AK8: variants seen among roughly 807,000 people sequenced by gnomAD.
The protein encoded by AK8 is ATP-AMP transphosphorylase 8.
In AK8, 44 loss-of-function variants were observed where a neutral mutation model predicts 54.6. That is an observed-to-expected ratio of 0.81 (90% CI 0.63 to 1.04). The LOEUF (loss-of-function observed/expected upper bound fraction) is 1.04, where lower values mean the gene tolerates loss of function less well. AK8 is among the 50% of genes least tolerant of loss of function. AK8 has a pLI of 0.00. For synonymous variants in AK8, 239 were observed against 245.6 expected (o/e 0.97, Z 0.25); for missense variants, 555 against 613.6 (o/e 0.90, Z 1.01).
At chr9:132,780,648 T>C (rs1039543886) in intron 11 of AK8, among the ~76,000 whole-genome samples, 2 of 152,184 alleles carry the variant, frequency 1.3e-5, no homozygotes, top group Non-Finnish European at 2.9e-5. Flanking sequence ...CAAAGGAACC[T>C]ATATAGCAGT....
At chr9:132,747,618 AG>A (rs993870161) in intron 11 of AK8, among the ~76,000 whole-genome samples, 1 of 148,118 alleles carries the variant, frequency 6.8e-6, no homozygotes, top group Admixed American at 6.7e-5. Context: ...TTTTGTAGAG[AG>A]GGGGTTTCAT....
chr9:132,806,451 G>A (rs559270348), intron 10 of AK8, among the ~76,000 whole-genome samples: 2 of 152,108 alleles, frequency 1.3e-5, no homozygotes, highest in African/African-American at 2.4e-5. Flanking sequence ...TGTCTTCAGC[G>A]AGTACAAACA....
chr9:132,809,546 G>A (rs1003668010), intron 10 of AK8, among the ~76,000 whole-genome samples: 8 of 152,152 alleles, frequency 5.3e-5, no homozygotes, highest in Non-Finnish European at 1.0e-4. Context: ...TGGGGCAAGC[G>A]TGGGGGCCCA....
At chr9:132,836,400 T>C (rs1156640816) in intron 5 of AK8, among the ~76,000 whole-genome samples, 1 of 152,234 alleles carries the variant, frequency 6.6e-6, no homozygotes, top group Non-Finnish European at 1.5e-5. Context: ...TCTTTTTCTC[T>C]ACCTACTTCC....
intron 5 of AK8, among the ~76,000 whole-genome samples, chr9:132,831,396 T>C (rs1842094993): frequency 6.6e-6 from 1 of 152,216 alleles, no homozygotes; most frequent in Non-Finnish European, 1.5e-5. Context: ...ATGTTCACAA[T>C]AAACAATTTC....
Position 132,834,743 on chromosome 9 carries a change from C to T in AK8, c.403-6017G>A, listed in dbSNP as rs958439982. Among the ~76,000 whole-genome samples the T allele has an allele frequency of 2.6e-5, 4 of 152,202 alleles. No homozygotes were observed. In the East Asian group the frequency reaches 7.7e-4, roughly 29 times the overall value. ...CACCCTTGATAATCAATGATACATG[C>T]GTGGTATTTTTATACAAACGTGCAG... On this transcript the variant is annotated intron_variant, in intron 5 of 12. Transcript: ENST00000298545.
At chr9:132,760,690 T>A (rs1383629325) in intron 11 of AK8, among the ~76,000 whole-genome samples, 1 of 152,178 alleles carries the variant, frequency 6.6e-6, no homozygotes, top group Admixed American at 6.5e-5. Flanking sequence ...ATTTCACCAC[T>A]AAGACCTATG....
chr9:132,744,992 G>A (rs1037080090), intron 11 of AK8, among the ~76,000 whole-genome samples: 6 of 152,132 alleles, frequency 3.9e-5, no homozygotes, highest in Non-Finnish European at 8.8e-5. Flanking sequence ...GGGTGGAGAC[G>A]GGTCCGGGCT....
intron 11 of AK8, among the ~76,000 whole-genome samples, chr9:132,792,351 C>T (rs151155726): frequency 1.1e-3 from 167 of 152,302 alleles, no homozygotes; most frequent in Non-Finnish European, 1.9e-3. Flanking sequence ...TAGAAGAAAA[C>T]ATCCATTGAT....
chr9:132,761,128 G>A (rs968920173), intron 11 of AK8, among the ~76,000 whole-genome samples: 2 of 152,026 alleles, frequency 1.3e-5, no homozygotes, highest in East Asian at 3.8e-4. Flanking sequence ...TCAATTCCTT[G>A]AATACTGTGG....
intron 5 of AK8, among the ~76,000 whole-genome samples, chr9:132,847,967 A>G (rs1207254895): frequency 1.3e-5 from 2 of 151,810 alleles, no homozygotes; most frequent in Non-Finnish European, 2.9e-5. Flanking sequence ...AAAATGAAAA[A>G]CAGATGGGCA....
intron 11 of AK8, among the ~76,000 whole-genome samples, chr9:132,732,306 AC>A (rs1836882097): frequency 6.6e-6 from 1 of 152,216 alleles, no homozygotes; most frequent in Non-Finnish European, 1.5e-5. Flanking sequence ...CAGGGTTTTA[AC>A]ATTTGGGATT....
chr9:132,800,713 G>A (rs909262764), intron 10 of AK8, among the ~76,000 whole-genome samples: 4 of 152,294 alleles, frequency 2.6e-5, no homozygotes, highest in Middle Eastern at 3.4e-3. Flanking sequence ...GACCAGAGAA[G>A]TCAGTACATC....
intron 11 of AK8, among the ~76,000 whole-genome samples, chr9:132,775,544 C>T (rs1839175345): frequency 6.6e-6 from 1 of 152,152 alleles, no homozygotes; most frequent in Admixed American, 6.5e-5. Context: ...CTCAAGTGAT[C>T]TGCCCGCCTC....
At chr9:132,836,273 A>G (rs1253675682) in intron 5 of AK8, among the ~76,000 whole-genome samples, 2 of 152,220 alleles carry the variant, frequency 1.3e-5, no homozygotes, top group Non-Finnish European at 2.9e-5. Context: ...TGGGTGACAG[A>G]GTGGGACCCC....
intron 5 of AK8, among the ~76,000 whole-genome samples, chr9:132,834,821 A>G (rs1842250567): frequency 6.6e-6 from 1 of 151,708 alleles, no homozygotes; most frequent in Admixed American, 6.6e-5. Flanking sequence ...AATGATCTCT[A>G]GGATATGAAA....
intron 5 of AK8, among the ~76,000 whole-genome samples, chr9:132,845,761 A>G (rs1842724692): frequency 6.7e-6 from 1 of 149,124 alleles, no homozygotes. Context: ...AGCCTGGGCA[A>G]GAACGAAACT....
At chr9:132,836,280 C>A (rs1208147773) in intron 5 of AK8, among the ~76,000 whole-genome samples, 1 of 152,238 alleles carries the variant, frequency 6.6e-6, no homozygotes, top group African/African-American at 2.4e-5. Flanking sequence ...CAGAGTGGGA[C>A]CCCATCTCTG....
At chr9:132,778,247 G>C (rs989336449) in intron 11 of AK8, among the ~76,000 whole-genome samples, 2 of 152,168 alleles carry the variant, frequency 1.3e-5, no homozygotes, top group African/African-American at 4.8e-5. Flanking sequence ...GGGTCACCCG[G>C]GTTCTATTAG....
Sources: allele counts gnomAD v4.1 joint callset (sites outside exome capture counted in the v4.1 genomes callset), GRCh38; gene constraint gnomAD v4.1.1; transcripts MANE v1.5; gene names NCBI Gene and HGNC (gene_info 2026-07-23, HGNC 2026-07-21).